TESK2: variants seen among roughly 807,000 people sequenced by gnomAD.
TESK2 encodes the protein dual specificity testis-specific protein kinase 2.
A neutral mutation model predicts 57.1 loss-of-function variants in TESK2; 39 were observed. The observed-to-expected ratio is 0.68, with a 90% CI of 0.53 to 0.89. TESK2 has a LOEUF of 0.89. Ranked by LOEUF, TESK2 falls within the 40% of genes least tolerant of loss-of-function variation. TESK2 has a pLI of 0.00. For synonymous variants in TESK2, 249 were observed against 267.9 expected, an observed-to-expected ratio of 0.93 and a Z score of 0.69; for missense variants, 646 against 732.1, an observed-to-expected ratio of 0.88 and a Z score of 1.36.
chr1:45,349,687 C>G (rs1240626130), intron 5 of TESK2, among the ~76,000 whole-genome samples: 3 of 152,240 alleles, frequency 2.0e-5, no homozygotes, highest in Non-Finnish European at 4.4e-5. Flanking sequence ...CCTATTATAT[C>G]ACACTGCAAC....
At chr1:45,390,943 G>T (rs1167478897) in intron 3 of TESK2, among the ~76,000 whole-genome samples, 2 of 142,526 alleles carry the variant, frequency 1.4e-5, no homozygotes, top group Admixed American at 7.0e-5. Flanking sequence ...TTTTGAGATG[G>T]AGTCTCACTC....
At chr1:45,469,383 T>C (rs1652678193) in intron 1 of TESK2, among the ~76,000 whole-genome samples, 1 of 152,210 alleles carries the variant, frequency 6.6e-6, no homozygotes, top group Admixed American at 6.6e-5. Context: ...GTATGTTATC[T>C]GTAATCTTTG....
chr1:45,388,555 T>G (rs955782500), intron 3 of TESK2, among the ~76,000 whole-genome samples: 1 of 151,888 alleles, frequency 6.6e-6, no homozygotes, highest in Non-Finnish European at 1.5e-5. Context: ...AATGGCAGAG[T>G]TGAATAGTTG....
At chr1:45,472,655 G>A in intron 1 of TESK2, among the ~76,000 whole-genome samples, 1 of 151,916 alleles carries the variant, frequency 6.6e-6, no homozygotes, top group East Asian at 1.9e-4. Flanking sequence ...CATGTTTCTG[G>A]TTTGGGTAAC....
At chr1:45,422,646 G>A (rs1487707636) in intron 2 of TESK2, among the ~76,000 whole-genome samples, 1 of 150,076 alleles carries the variant, frequency 6.7e-6, no homozygotes, top group East Asian at 2.0e-4. Context: ...TTTTCACCAT[G>A]TTGGCCAGGC....
At chr1:45,461,219 G>A (rs749061118) in intron 1 of TESK2, among the ~76,000 whole-genome samples, 3 of 151,386 alleles carry the variant, frequency 2.0e-5, no homozygotes, top group Non-Finnish European at 4.4e-5. Context: ...ATCTCAAAAC[G>A]TGGCCAGGCA....
chr1:45,454,570 T>C (rs1651999650), intron 2 of TESK2, among the ~76,000 whole-genome samples: 3 of 152,024 alleles, frequency 2.0e-5, no homozygotes, highest in African/African-American at 4.8e-5. Flanking sequence ...TCAACCACAA[T>C]GCCCAGCCAA....
At chr1:45,382,241 T>C (rs1648691060) in intron 4 of TESK2, among the ~76,000 whole-genome samples, 1 of 152,104 alleles carries the variant, frequency 6.6e-6, no homozygotes, top group African/African-American at 2.4e-5. Context: ...CAAACCGTTT[T>C]CACTATATAT....
At chr1:45,477,758 G>A (rs182607421) in intron 1 of TESK2, among the ~76,000 whole-genome samples, 36 of 152,188 alleles carry the variant, frequency 2.4e-4, no homozygotes, top group African/African-American at 7.0e-4. Flanking sequence ...TCTTTAGCCC[G>A]GCATTCGAAG....
intron 1 of TESK2, among the ~76,000 whole-genome samples, chr1:45,462,441 T>G (rs1652373249): frequency 6.6e-6 from 1 of 151,916 alleles, no homozygotes; most frequent in Non-Finnish European, 1.5e-5. Flanking sequence ...CCCGGCTAAT[T>G]TTTTGTATTT....
chr1:45,412,875 C>T (rs1650087879), intron 3 of TESK2, among the ~76,000 whole-genome samples: 1 of 152,044 alleles, frequency 6.6e-6, no homozygotes, highest in Non-Finnish European at 1.5e-5. Context: ...TCAAAGTTAG[C>T]CAAGTGTGGC....
At chr1:45,414,192 G>C (rs189711019) in intron 3 of TESK2, among the ~76,000 whole-genome samples, 1 of 152,210 alleles carries the variant, frequency 6.6e-6, no homozygotes, top group Non-Finnish European at 1.5e-5. Context: ...AATATATAGT[G>C]AAAGTGAAGA....
At chr1:45,367,970 T>A (rs1392014465) in intron 4 of TESK2, among the ~76,000 whole-genome samples, 1 of 148,228 alleles carries the variant, frequency 6.7e-6, no homozygotes, top group Non-Finnish European at 1.5e-5. Context: ...AGCACTTTCA[T>A]AGTTACCTCA....
chr1:45,456,244 C>T (rs548541548), intron 2 of TESK2, among the ~76,000 whole-genome samples: 13 of 151,086 alleles, frequency 8.6e-5, no homozygotes, highest in Non-Finnish European at 1.5e-4. Flanking sequence ...ATAGGTTGGG[C>T]GCGGTGGCTC....
At chr1:45,359,863 C>CA (rs1357897167) in intron 4 of TESK2, among the ~76,000 whole-genome samples, 7 of 151,316 alleles carry the variant, frequency 4.6e-5, no homozygotes, top group Admixed American at 4.6e-4. Flanking sequence ...GACTCTGTCT[C>CA]AAAAAAATAA....
chr1:45,446,804 CT>C (rs950187498), intron 2 of TESK2, among the ~76,000 whole-genome samples: 2 of 152,194 alleles, frequency 1.3e-5, no homozygotes, highest in Admixed American at 6.5e-5. Context: ...CCAAATACCC[CT>C]GCCTCCATAA....
chr1:45,366,378 C>T (rs965639762), intron 4 of TESK2, among the ~76,000 whole-genome samples: 2 of 152,124 alleles, frequency 1.3e-5, no homozygotes, highest in African/African-American at 2.4e-5. Flanking sequence ...TGAGCCACCA[C>T]GGCCAGCCAC....
chr1:45,392,910 G>A (rs1042059771), intron 3 of TESK2, among the ~76,000 whole-genome samples: 15 of 151,948 alleles, frequency 9.9e-5, no homozygotes, highest in African/African-American at 3.4e-4. Context: ...AAAATGTTTC[G>A]TACACAAGTT....
chr1:45,405,562 C>T (rs1035164978), intron 3 of TESK2, among the ~76,000 whole-genome samples: 3 of 151,354 alleles, frequency 2.0e-5, no homozygotes, highest in Non-Finnish European at 4.4e-5. Context: ...GAGGCCGAGG[C>T]GGGCAGATCG....
Sources: allele counts gnomAD v4.1 joint callset (sites outside exome capture counted in the v4.1 genomes callset), GRCh38; gene constraint gnomAD v4.1.1; transcripts MANE v1.5; gene names NCBI Gene and HGNC (gene_info 2026-07-23, HGNC 2026-07-21).